SBF2: variants seen among roughly 807,000 people sequenced by gnomAD.
SBF2 encodes the protein myotubularin-related protein 13.
Under a neutral mutation model 225.2 loss-of-function variants are expected in SBF2, and 112 were observed. That is an observed-to-expected ratio of 0.50 (90% CI 0.43 to 0.58). The LOEUF (loss-of-function observed/expected upper bound fraction) is 0.58, where lower values mean the gene tolerates loss of function less well. Among genes scored for constraint, SBF2 ranks in the 20% least tolerant of loss-of-function variants. The pLI is 0.00. For synonymous variants in SBF2, 763 were observed against 773.3 expected (o/e 0.99, Z 0.22); for missense variants, 1,996 against 2,206.2 (o/e 0.90, Z 1.91).
Position 9,989,534 on chromosome 11 carries a change from T to G in SBF2, c.1358A>C (p.Lys453Thr). The G allele has an allele frequency of 6.2e-7, 1 of 1,610,012 alleles. No homozygotes were observed. Among genetic ancestry groups the G allele is most frequent in the Non-Finnish European group, 8.5e-7 (1 of 1,176,898 alleles). ...TTGCTCAGCAAGTTCCCTGACATGC[T>G]TTATCATCTTCACTGGGTTATTTTC... ...VEENNPVKMIKHVRELAEQLF... is the reference protein window; with the variant it reads ...VEENNPVKMITHVRELAEQLF... Residue 453 changes from lysine to threonine, a missense_variant, in exon 13 of 40, where the codon AAG becomes ACG. Transcript: ENST00000256190.
At chr11:10,122,880 G>C (rs1004844056) in intron 2 of SBF2, among the ~76,000 whole-genome samples, 1 of 152,144 alleles carries the variant, frequency 6.6e-6, no homozygotes. Flanking sequence ...AATAGCCTTA[G>C]TCATCAAAGG....
intron 2 of SBF2, among the ~76,000 whole-genome samples, chr11:10,125,236 C>T (rs1471886885): frequency 6.6e-6 from 1 of 151,722 alleles, no homozygotes; most frequent in East Asian, 1.9e-4. Context: ...CTGTACATCT[C>T]AAATGAAAAC....
intron 2 of SBF2, among the ~76,000 whole-genome samples, chr11:10,173,273 C>A (rs1956290883): frequency 6.6e-6 from 1 of 152,192 alleles, no homozygotes; most frequent in Admixed American, 6.5e-5. Context: ...TAGGGAGTGC[C>A]AGACAGTGGG....
intron 16 of SBF2, among the ~76,000 whole-genome samples, chr11:9,900,506 C>A (rs572005758): frequency 2.0e-5 from 3 of 152,104 alleles, no homozygotes; most frequent in South Asian, 2.1e-4. Context: ...TTAGCCTGTG[C>A]GGTCTAACCC....
At chr11:9,940,377 C>T (rs758563016) in intron 16 of SBF2, among the ~76,000 whole-genome samples, 1 of 150,590 alleles carries the variant, frequency 6.6e-6, no homozygotes, top group Admixed American at 6.7e-5. Context: ...TGCACTCCAG[C>T]CTGGGCAACA....
intron 16 of SBF2, among the ~76,000 whole-genome samples, chr11:9,914,420 C>G (rs570309428): frequency 1.3e-5 from 2 of 152,168 alleles, no homozygotes; most frequent in African/African-American, 4.8e-5. Context: ...GACAAAGGAG[C>G]AAAGGCAGTA....
chr11:10,254,326 C>T (rs986093781), intron 1 of SBF2, among the ~76,000 whole-genome samples: 12 of 149,884 alleles, frequency 8.0e-5, no homozygotes, highest in Non-Finnish European at 1.8e-4. Context: ...CTCAGGAGGT[C>T]GAGACTGCAG....
intron 1 of SBF2, among the ~76,000 whole-genome samples, chr11:10,222,264 C>T (rs1299271280): frequency 4.6e-5 from 7 of 152,064 alleles, no homozygotes; most frequent in Admixed American, 4.6e-4. Flanking sequence ...ACAAAAAAAT[C>T]AGGAAAAAGT....
At chr11:10,299,532 T>G (rs1203208858) in intron 1 of SBF2, among the ~76,000 whole-genome samples, 2 of 152,164 alleles carry the variant, frequency 1.3e-5, no homozygotes. Flanking sequence ...ACATAATATG[T>G]GGAGTCCAGT....
chr11:10,240,969 T>A (rs1476908333), intron 1 of SBF2, among the ~76,000 whole-genome samples: 2 of 152,206 alleles, frequency 1.3e-5, no homozygotes, highest in East Asian at 3.8e-4. Flanking sequence ...ATATACCAAT[T>A]GTTTGACAAA....
chr11:10,260,138 T>A (rs1961281778), intron 1 of SBF2, among the ~76,000 whole-genome samples: 1 of 152,174 alleles, frequency 6.6e-6, no homozygotes, highest in Non-Finnish European at 1.5e-5. Context: ...ATATAAAAAA[T>A]TTTAAAAGGC....
At chr11:10,055,210 T>C (rs894228144) in intron 2 of SBF2, among the ~76,000 whole-genome samples, 3 of 152,042 alleles carry the variant, frequency 2.0e-5, no homozygotes, top group African/African-American at 7.2e-5. Context: ...TCAGAATGGC[T>C]ATTATTAAAA....
chr11:10,155,437 G>C (rs1023118125), intron 2 of SBF2, among the ~76,000 whole-genome samples: 3 of 152,154 alleles, frequency 2.0e-5, no homozygotes, highest in African/African-American at 4.8e-5. Flanking sequence ...AAAGAAAGTA[G>C]AGACAGAACA....
At chr11:9,991,596 G>A (rs1947441992) in intron 12 of SBF2, among the ~76,000 whole-genome samples, 1 of 152,060 alleles carries the variant, frequency 6.6e-6, no homozygotes, top group South Asian at 2.1e-4. Context: ...ATTGAAATGA[G>A]AATAATATTC....
At chr11:10,050,491 T>C (rs1235324222) in intron 2 of SBF2, among the ~76,000 whole-genome samples, 1 of 152,132 alleles carries the variant, frequency 6.6e-6, no homozygotes, top group Non-Finnish European at 1.5e-5. Flanking sequence ...TTATAAGTTA[T>C]ACATAGTAAG....
intron 9 of SBF2, among the ~76,000 whole-genome samples, chr11:9,996,175 T>C (rs901533603): frequency 1.3e-5 from 2 of 152,160 alleles, no homozygotes; most frequent in African/African-American, 2.4e-5. Flanking sequence ...TTAATCTTTG[T>C]TAATTTTGCT....
intron 2 of SBF2, among the ~76,000 whole-genome samples, chr11:10,114,564 T>C (rs184830084): frequency 4.1e-4 from 63 of 152,336 alleles, no homozygotes; most frequent in African/African-American, 1.2e-3. Context: ...TAAAATACTA[T>C]AGTAAGAACT....
chr11:9,828,239 G>C, intron 28 of SBF2: 4 of 1,285,846 alleles, frequency 3.1e-6, no homozygotes, highest in Non-Finnish European at 4.0e-6. Context: ...CAGCCAAAAA[G>C]AAGAACAAAA....
intron 16 of SBF2, among the ~76,000 whole-genome samples, chr11:9,937,790 A>C (rs954618294): frequency 6.6e-6 from 1 of 152,154 alleles, no homozygotes; most frequent in Non-Finnish European, 1.5e-5. Context: ...AAGTATGTAA[A>C]AGCAATAGTT....
Sources: allele counts gnomAD v4.1 joint callset (sites outside exome capture counted in the v4.1 genomes callset), GRCh38; gene constraint gnomAD v4.1.1; transcripts MANE v1.5; gene names NCBI Gene and HGNC (gene_info 2026-07-23, HGNC 2026-07-21).